CDYL2: variants seen among roughly 807,000 people sequenced by gnomAD.
CDYL2 encodes chromodomain Y like 2.
In CDYL2, 23 loss-of-function variants were observed where a neutral mutation model predicts 49.4. That is an observed-to-expected ratio of 0.47 (90% CI 0.34 to 0.66). The LOEUF (loss-of-function observed/expected upper bound fraction) is 0.66, where lower values mean the gene tolerates loss of function less well. Among genes scored for constraint, CDYL2 ranks in the 30% least tolerant of loss-of-function variants. CDYL2 has a pLI of 0.01. For synonymous variants in CDYL2, 360 were observed against 268.8 expected (o/e 1.34, Z -3.32); for missense variants, 678 against 656.4 (o/e 1.03, Z -0.36).
At chr16:80,785,437 A>G (rs988522741) in intron 1 of CDYL2, among the ~76,000 whole-genome samples, 7 of 152,232 alleles carry the variant, frequency 4.6e-5, no homozygotes, top group African/African-American at 1.2e-4. Context: ...AAAGAGAACT[A>G]CAGACCACTG....
intron 1 of CDYL2, among the ~76,000 whole-genome samples, chr16:80,727,297 G>A (rs563379290): frequency 1.3e-5 from 2 of 152,332 alleles, no homozygotes; most frequent in Admixed American, 1.3e-4. Context: ...AGCGCAAGGG[G>A]TCAGGGAGTT....
At chr16:80,792,645 C>T (rs1445482398) in intron 1 of CDYL2, among the ~76,000 whole-genome samples, 1 of 152,144 alleles carries the variant, frequency 6.6e-6, no homozygotes, top group African/African-American at 2.4e-5. Flanking sequence ...ACTCACCTAC[C>T]AGTAAAGGGC....
At chr16:80,737,881 T>A (rs760066945) in intron 1 of CDYL2, among the ~76,000 whole-genome samples, 168 of 152,292 alleles carry the variant, frequency 1.1e-3, no homozygotes, top group Non-Finnish European at 1.9e-3. Context: ...GTTGTTGTTG[T>A]TTTATACTTT....
Position 80,804,308 on chromosome 16 carries a change from CTG to C in CDYL2, c.-137_-136del, listed in dbSNP as rs1170927865. ...GAGTGTGTGTGGTGTGTTGAGTAAA[CTG>C]TGTTTTTGCAGAATGACAGGCTTGG... On this transcript the variant is annotated 5_prime_UTR_variant, in exon 1 of 7. Coordinates refer to ENST00000570137, the MANE Select transcript of CDYL2 (RefSeq NM_152342.4). 13 of 722,664 alleles carry C rather than the reference CTG, an allele frequency of 1.8e-5. No individual in the cohort carries two copies. The highest frequency in any genetic ancestry group is 1.2e-4 in the Admixed American group (3 of 24,874). 44.8% of individuals were successfully genotyped at this position (722,664 alleles called of 1,614,324 possible).
At chr16:80,777,179 C>A (rs957478022) in intron 1 of CDYL2, among the ~76,000 whole-genome samples, 1 of 152,038 alleles carries the variant, frequency 6.6e-6, no homozygotes, top group African/African-American at 2.4e-5. Flanking sequence ...AAGAGTTAAC[C>A]TCTTGGGGAG....
In CDYL2 at chr16:80,748,944, T is replaced by C. The variant is rs116089997; in HGVS notation, c.24+55206A>G. ...TAGAAGGGGCTAATTTTACATTCTT[T>C]CTGTACATGGTTGAATATTACCATC... On this transcript the variant is annotated intron_variant, in intron 1 of 6. Transcript: ENST00000570137. 3.9e-3 allele frequency among the ~76,000 whole-genome samples: 600 copies of C among 152,318 alleles called. 7 individuals are homozygous for C. Among genetic ancestry groups the C allele is most frequent in the African/African-American group, 0.014 (575 of 41,570 alleles).
chr16:80,772,061 T>C (rs1036937605), intron 1 of CDYL2, among the ~76,000 whole-genome samples: 1 of 152,100 alleles, frequency 6.6e-6, no homozygotes, highest in African/African-American at 2.4e-5. Flanking sequence ...ACAAACACCA[T>C]GGCAGCCAGA....
intron 1 of CDYL2, among the ~76,000 whole-genome samples, chr16:80,723,995 GAA>G (rs1375145037): frequency 6.7e-6 from 1 of 149,308 alleles, no homozygotes; most frequent in Non-Finnish European, 1.5e-5. Context: ...AGCAAGGAGA[GAA>G]AGAGGAAGAA....
At chr16:80,771,547 A>C (rs984895322) in intron 1 of CDYL2, among the ~76,000 whole-genome samples, 9 of 152,216 alleles carry the variant, frequency 5.9e-5, no homozygotes, top group African/African-American at 1.4e-4. Flanking sequence ...CTACCAAAAA[A>C]TACAAAAATT....
intron 4 of CDYL2, among the ~76,000 whole-genome samples, chr16:80,615,659 T>TC (rs1270868474): frequency 2.0e-5 from 3 of 152,106 alleles, no homozygotes; most frequent in African/African-American, 7.2e-5. Flanking sequence ...TCCAGAGCTT[T>TC]CCTCTGCAGG....
intron 1 of CDYL2, among the ~76,000 whole-genome samples, chr16:80,728,744 G>C (rs1352804097): frequency 6.6e-6 from 1 of 152,184 alleles, no homozygotes; most frequent in East Asian, 1.9e-4. Context: ...CTAACAGCGA[G>C]CGGATCTCTC....
chr16:80,605,775 T>C (rs966690257), intron 6 of CDYL2, among the ~76,000 whole-genome samples: 78 of 152,200 alleles, frequency 5.1e-4, no homozygotes, highest in African/African-American at 1.7e-3. Context: ...GCCACTATGA[T>C]CACCATTATC....
At chr16:80,668,040 C>G (rs1481235324) in intron 2 of CDYL2, among the ~76,000 whole-genome samples, 1 of 152,232 alleles carries the variant, frequency 6.6e-6, no homozygotes, top group Non-Finnish European at 1.5e-5. Flanking sequence ...ATTAAAACAA[C>G]AGGGCCTGGA....
chr16:80,784,354 T>C (rs1429543947), intron 1 of CDYL2, among the ~76,000 whole-genome samples: 1 of 152,222 alleles, frequency 6.6e-6, no homozygotes, highest in Admixed American at 6.5e-5. Flanking sequence ...GACTATTTTT[T>C]TCATTCATAT....
chr16:80,794,157 A>C (rs1462715191), intron 1 of CDYL2, among the ~76,000 whole-genome samples: 4 of 152,208 alleles, frequency 2.6e-5, no homozygotes, highest in African/African-American at 9.6e-5. Flanking sequence ...GAGCAGAAGG[A>C]GCCAGTCTTC....
Position 80,661,745 on chromosome 16 carries a change from T to C in CDYL2, c.616+22793A>G, listed in dbSNP as rs116752529. Reference sequence around the variant, plus strand: ...AAGAAAATGTGGATGCCACATCTGATTCCTGTGTCATGTGATGCTTTACCA... The same window carrying C: ...AAGAAAATGTGGATGCCACATCTGACTCCTGTGTCATGTGATGCTTTACCA... On this transcript the variant is annotated intron_variant, in intron 2 of 6. Transcript: ENST00000570137. 8.4e-3 allele frequency among the ~76,000 whole-genome samples: 1,280 copies of C among 152,300 alleles called. 28 individuals carry two copies. The highest frequency in any genetic ancestry group is 0.03 in the African/African-American group (1,227 of 41,560).
At chr16:80,608,852 C>T (rs1906462443) in intron 5 of CDYL2, among the ~76,000 whole-genome samples, 1 of 152,146 alleles carries the variant, frequency 6.6e-6, no homozygotes, top group Non-Finnish European at 1.5e-5. Context: ...TACTTGAATT[C>T]CCCAGCCCTG....
chr16:80,629,004 T>A (rs544916775), intron 3 of CDYL2, among the ~76,000 whole-genome samples: 1 of 151,936 alleles, frequency 6.6e-6, no homozygotes, highest in Non-Finnish European at 1.5e-5. Context: ...AGAGCACATA[T>A]AAAGGCCCCG....
At chr16:80,641,850 A>T (rs1284632891) in intron 2 of CDYL2, among the ~76,000 whole-genome samples, 1 of 151,996 alleles carries the variant, frequency 6.6e-6, no homozygotes, top group Non-Finnish European at 1.5e-5. Context: ...ATACATATGT[A>T]ACAAACCTGC....
Sources: gnomAD v4.1 joint callset for allele counts (sites outside exome capture counted in the v4.1 genomes callset) on GRCh38, gnomAD v4.1.1 for gene constraint, MANE v1.5 for transcripts, NCBI Gene and HGNC (gene_info 2026-07-23, HGNC 2026-07-21) for gene names.